The following RASA1 variants were observed in gnomAD, a reference collection of about 807,000 sequenced individuals.
The protein encoded by RASA1 is ras GTPase-activating protein 1.
RASA1 carries 25 observed loss-of-function variants against 132.2 expected under a neutral mutation model. The ratio of observed to expected loss-of-function variants is 0.19; its 90% CI spans 0.14 to 0.26. The LOEUF is 0.26. RASA1 is among the 10% of genes least tolerant of loss of function. RASA1 has a pLI of 1.00. For synonymous variants in RASA1, 477 were observed against 449.9 expected (o/e 1.06, Z -0.76); for missense variants, 964 against 1,299.2 (o/e 0.74, Z 3.97).
intron 11 of RASA1, among the ~76,000 whole-genome samples, chr5:87,368,358 C>T (rs565555404): frequency 3.9e-5 from 6 of 152,086 alleles, no homozygotes; most frequent in African/African-American, 1.4e-4. Context: ...TTTTCTTAAA[C>T]ATTTTAATTA....
intron 1 of RASA1, among the ~76,000 whole-genome samples, chr5:87,300,189 G>A (rs1049520580): frequency 6.6e-6 from 1 of 152,116 alleles, no homozygotes; most frequent in African/African-American, 2.4e-5. Context: ...GAGCAACATA[G>A]GGAGACCCTG....
rs1356089893 is a variant in RASA1 at position 87,341,292 on chromosome 5, C to T, written c.1020C>T (p.Gly340=). 2 of 1,345,938 alleles carry T rather than the reference C, an allele frequency of 1.5e-6. No homozygotes were observed. Among genetic ancestry groups the T allele is most frequent in the Non-Finnish European group, 1.9e-6 (2 of 1,040,238 alleles). 83.4% of individuals were successfully genotyped at this position (1,345,938 alleles called of 1,614,324 possible). ...LIVEDLVEEV[G]REEDPHEGKI... ...CTGTCTTAATGTCTTCCCTTTAGGG[C>T]CGGGAAGAAGATCCACATGAAGGAA... is the stretch of plus-strand genomic sequence containing the variant. The change falls in exon 6 of 25, where the codon GGC becomes GGT. Residue 340 remains glycine (G), a splice_region_variant and synonymous_variant. Transcript: ENST00000274376.
At chr5:87,354,864 G>C (rs972394096) in intron 9 of RASA1, among the ~76,000 whole-genome samples, 6 of 152,166 alleles carry the variant, frequency 3.9e-5, no homozygotes, top group South Asian at 2.1e-4. Flanking sequence ...TGCTGATATA[G>C]AGAAAATTTG....
chr5:87,390,078 T>TA (rs1382273715), intron 24 of RASA1, among the ~76,000 whole-genome samples: 1 of 152,204 alleles, frequency 6.6e-6, no homozygotes, highest in Non-Finnish European at 1.5e-5. Context: ...ACTACATTGA[T>TA]AGACTTCTAT....
At chr5:87,287,311 CAT>C (rs1198310306) in intron 1 of RASA1, among the ~76,000 whole-genome samples, 2 of 143,734 alleles carry the variant, frequency 1.4e-5, no homozygotes, top group African/African-American at 2.6e-5. Context: ...ATATACACAC[CAT>C]ATATATACAC....
chr5:87,275,620 A>G (rs1580187294), intron 1 of RASA1, among the ~76,000 whole-genome samples: 1 of 151,010 alleles, frequency 6.6e-6, no homozygotes, highest in African/African-American at 2.4e-5. Flanking sequence ...CCTGTCGCCC[A>G]GGCTGGAGTG....
At chr5:87,271,379 C>G (rs1041781814) in intron 1 of RASA1, among the ~76,000 whole-genome samples, 4 of 141,338 alleles carry the variant, frequency 2.8e-5, no homozygotes, top group African/African-American at 8.1e-5. Context: ...AGAATCTAGT[C>G]TTATGCTAGT....
intron 1 of RASA1, among the ~76,000 whole-genome samples, chr5:87,305,574 G>A (rs988025578): frequency 6.6e-6 from 1 of 152,166 alleles, no homozygotes; most frequent in African/African-American, 2.4e-5. Flanking sequence ...ACATAGGCCT[G>A]GGCAAAGTTT....
At chr5:87,379,602 A>G (rs998726229) in intron 18 of RASA1, 133 bp from the exon 19 acceptor site, 1 of 1,266,788 alleles carries the variant, frequency 7.9e-7, no homozygotes, top group Non-Finnish European at 1.1e-6. Flanking sequence ...CCATTATACA[A>G]AGAAAAAAGA....
chr5:87,278,301 C>T (rs1013456739), intron 1 of RASA1, among the ~76,000 whole-genome samples: 1 of 151,736 alleles, frequency 6.6e-6, no homozygotes, highest in African/African-American at 2.4e-5. Flanking sequence ...AATCCCAGCA[C>T]TTTGGGAGGC....
At chr5:87,338,919 G>A (rs956950555) in intron 5 of RASA1, among the ~76,000 whole-genome samples, 1 of 151,846 alleles carries the variant, frequency 6.6e-6, no homozygotes, top group African/African-American at 2.4e-5. Flanking sequence ...ACGTTATCAT[G>A]GTATCAATTA....
chr5:87,336,527 TG>T (rs1200799874), intron 4 of RASA1, among the ~76,000 whole-genome samples: 1 of 152,114 alleles, frequency 6.6e-6, no homozygotes, highest in African/African-American at 2.4e-5. Flanking sequence ...CACTTTAGCC[TG>T]TTTTAGGGGG....
At chr5:87,329,281 C>CAAAAAAAAAAAAAAAAAAA (rs571157213) in intron 1 of RASA1, among the ~76,000 whole-genome samples, 3 of 119,160 alleles carry the variant, frequency 2.5e-5, no homozygotes, top group African/African-American at 9.2e-5. Flanking sequence ...TCTGTCTCTC[C>CAAAAAAAAAAAAAAAAAAA]AAAAAAAAAA....
chr5:87,300,832 A>G (rs972523559), intron 1 of RASA1, among the ~76,000 whole-genome samples: 1 of 152,242 alleles, frequency 6.6e-6, no homozygotes, highest in African/African-American at 2.4e-5. Context: ...AAAAATGGTG[A>G]CAAAATCCTG....
At chr5:87,280,584 A>G (rs1338172247) in intron 1 of RASA1, among the ~76,000 whole-genome samples, 3 of 152,134 alleles carry the variant, frequency 2.0e-5, no homozygotes, top group Non-Finnish European at 4.4e-5. Flanking sequence ...AAATGCTGGG[A>G]TTACAAGCGT....
intron 11 of RASA1, among the ~76,000 whole-genome samples, chr5:87,365,024 A>G (rs1372553276): frequency 6.6e-6 from 1 of 152,162 alleles, no homozygotes; most frequent in East Asian, 1.9e-4. Flanking sequence ...GTAGTTTATT[A>G]TCGTGAAAAC....
chr5:87,386,107 A>G (rs892485333), intron 22 of RASA1, among the ~76,000 whole-genome samples: 1 of 151,952 alleles, frequency 6.6e-6, no homozygotes, highest in Non-Finnish European at 1.5e-5. Flanking sequence ...TGGGTACTAT[A>G]CTTTTTTCTT....
At chr5:87,382,331 C>T (rs1403706821) in intron 20 of RASA1, among the ~76,000 whole-genome samples, 1 of 152,134 alleles carries the variant, frequency 6.6e-6, no homozygotes, top group Admixed American at 6.5e-5. Flanking sequence ...CAAACAGGTA[C>T]ATGTTCAAAG....
chr5:87,356,925 G>T (rs1431228330), intron 9 of RASA1, among the ~76,000 whole-genome samples: 1 of 152,124 alleles, frequency 6.6e-6, no homozygotes, highest in Non-Finnish European at 1.5e-5. Flanking sequence ...TGAGAACAGA[G>T]ATTTTTGTTT....
Sources: gnomAD v4.1 joint callset for allele counts (sites outside exome capture counted in the v4.1 genomes callset) on GRCh38, gnomAD v4.1.1 for gene constraint, MANE v1.5 for transcripts, NCBI Gene and HGNC (gene_info 2026-07-23, HGNC 2026-07-21) for gene names.